ANXA8: variants seen among roughly 807,000 people sequenced by gnomAD.
The protein encoded by ANXA8 is annexin A8.
In ANXA8, 9 loss-of-function variants were observed where a neutral mutation model predicts 26.8. The ratio of observed to expected loss-of-function variants is 0.34; its 90% CI spans 0.20 to 0.59. ANXA8 has a LOEUF of 0.59. Among genes scored for constraint, ANXA8 ranks in the 20% least tolerant of loss-of-function variants. ANXA8 has a pLI of 0.84. For synonymous variants in ANXA8, 39 were observed against 94.8 expected, an observed-to-expected ratio of 0.41 and a Z score of 3.42; for missense variants, 83 against 238.5, an observed-to-expected ratio of 0.35 and a Z score of 4.29.
the ANXA8 span, among the ~76,000 whole-genome samples, chr10:47,954,265 T>C: frequency 2.0e-5 from 3 of 151,046 alleles, no homozygotes; most frequent in Non-Finnish European, 4.4e-5. Flanking sequence ...TTAGAGGACA[T>C]AATGTTAAAT....
At chr10:47,571,363 G>A in the ANXA8 span, among the ~76,000 whole-genome samples, 9 of 146,482 alleles carry the variant, frequency 6.1e-5, no homozygotes, top group South Asian at 1.3e-3. Context: ...CTAAATTGAC[G>A]TCTTGGCCCA....
At chr10:47,612,083 T>C in the ANXA8 span, among the ~76,000 whole-genome samples, 2 of 68,632 alleles carry the variant, frequency 2.9e-5, 1 homozygote, top group Non-Finnish European at 7.3e-5. Flanking sequence ...GAAGTCATAT[T>C]GGTCTAAGAA....
At chr10:47,631,292 C>A in the ANXA8 span, among the ~76,000 whole-genome samples, 1 of 151,790 alleles carries the variant, frequency 6.6e-6, no homozygotes, top group East Asian at 1.9e-4. Context: ...CTTTTTAATT[C>A]TCTCAAAATG....
At chr10:47,766,063 G>A in the ANXA8 span, among the ~76,000 whole-genome samples, 1 of 149,578 alleles carries the variant, frequency 6.7e-6, no homozygotes, top group South Asian at 2.1e-4. Flanking sequence ...CTCTGTGCCT[G>A]AGACTGCTGC....
the ANXA8 span, among the ~76,000 whole-genome samples, chr10:47,555,084 G>T: frequency 6.6e-6 from 1 of 150,960 alleles, no homozygotes; most frequent in South Asian, 2.1e-4. Context: ...CTTTGTAGGT[G>T]AAAGCTGTCT....
intron 3 of ANXA8, 154 bp downstream of exon 3, chr10:47,478,379 A>G: frequency 3.2e-6 from 2 of 632,218 alleles, no homozygotes; most frequent in Non-Finnish European, 5.2e-6. Flanking sequence ...GAATTTCAAT[A>G]AAGAACAATT....
chr10:47,775,482 A>G, the ANXA8 span, among the ~76,000 whole-genome samples: 2 of 134,254 alleles, frequency 1.5e-5, no homozygotes, highest in African/African-American at 2.8e-5. Context: ...GGACATAAAC[A>G]TAATCCAGGA....
chr10:47,673,590 C>T, the ANXA8 span, among the ~76,000 whole-genome samples: 1 of 151,250 alleles, frequency 6.6e-6, no homozygotes, highest in Non-Finnish European at 1.5e-5. Context: ...GACTGGAGAG[C>T]AAGGAGAATC....
the ANXA8 span, among the ~76,000 whole-genome samples, chr10:47,742,990 TAAA>T: frequency 3.9e-4 from 36 of 91,502 alleles, no homozygotes; most frequent in African/African-American, 1.5e-3. Flanking sequence ...CCGTCTCTAC[TAAA>T]AAAAAAAAAA....
chr10:47,706,314 A>T, the ANXA8 span: 1 of 590,492 alleles, frequency 1.7e-6, no homozygotes, highest in Non-Finnish European at 2.9e-6. Flanking sequence ...CTACGATCCA[A>T]CCATAGAAAA....
chr10:47,520,839 A>T, the ANXA8 span, among the ~76,000 whole-genome samples: 301 of 83,336 alleles, frequency 3.6e-3, 4 homozygotes, highest in African/African-American at 0.014. Context: ...TCCTTTATTT[A>T]AAAAAAAAAA....
chr10:47,575,421 G>T, the ANXA8 span, among the ~76,000 whole-genome samples: 3 of 141,198 alleles, frequency 2.1e-5, no homozygotes, highest in Non-Finnish European at 4.6e-5. Context: ...ATCTCACTCT[G>T]TCACCCAGGC....
chr10:47,559,142 C>CAT, the ANXA8 span, among the ~76,000 whole-genome samples: 1 of 73,312 alleles, frequency 1.4e-5, no homozygotes, highest in African/African-American at 5.9e-5. Flanking sequence ...TGGAGTCTTA[C>CAT]TTTTTTTTTT....
chr10:47,580,320 T>C, the ANXA8 span, among the ~76,000 whole-genome samples: 4 of 152,260 alleles, frequency 2.6e-5, no homozygotes, highest in Non-Finnish European at 4.4e-5. Context: ...AACAGACATA[T>C]AGAAAGCTCT....
the ANXA8 span, among the ~76,000 whole-genome samples, chr10:47,649,084 T>A: frequency 2.3e-5 from 3 of 132,922 alleles, no homozygotes; most frequent in Non-Finnish European, 4.7e-5. Flanking sequence ...CTTTCCTTTG[T>A]TTGCAATCAA....
At chr10:47,913,882 G>T in the ANXA8 span, among the ~76,000 whole-genome samples, 2 of 66,750 alleles carry the variant, frequency 3.0e-5, no homozygotes, top group Non-Finnish European at 6.0e-5. Context: ...CCTTTCCTTT[G>T]TAGGCAACCT....
the ANXA8 span, among the ~76,000 whole-genome samples, chr10:47,668,979 C>T: frequency 1.3e-5 from 2 of 151,802 alleles, no homozygotes; most frequent in East Asian, 3.8e-4. Flanking sequence ...GGTCTGTATG[C>T]CACTTCTGTG....
At chr10:47,610,275 T>C in the ANXA8 span, among the ~76,000 whole-genome samples, 4 of 145,780 alleles carry the variant, frequency 2.7e-5, 1 homozygote, top group African/African-American at 1.1e-4. Flanking sequence ...ATTTGTAGTT[T>C]TTACTAGAAC....
the ANXA8 span, among the ~76,000 whole-genome samples, chr10:47,895,022 C>T: frequency 4.8e-3 from 372 of 77,160 alleles, no homozygotes; most frequent in Non-Finnish European, 9.0e-3. Flanking sequence ...AACACGCACA[C>T]ATCCACACAA....
Sources: gnomAD v4.1 joint callset for allele counts (sites outside exome capture counted in the v4.1 genomes callset) on GRCh38, gnomAD v4.1.1 for gene constraint, MANE v1.5 for transcripts, NCBI Gene and HGNC (gene_info 2026-07-23, HGNC 2026-07-21) for gene names.